UNC5B: variants seen among roughly 807,000 people sequenced by gnomAD.
UNC5B encodes netrin receptor UNC5B.
UNC5B carries 56 observed loss-of-function variants against 103.7 expected under a neutral mutation model. The observed-to-expected ratio is 0.54, with a 90% CI of 0.44 to 0.67. UNC5B has a LOEUF of 0.67. Among genes scored for constraint, UNC5B ranks in the 30% least tolerant of loss-of-function variants. The probability of loss-of-function intolerance (pLI) is 0.00; values close to 1 mark genes in which losing one functional copy is unlikely to be tolerated. For missense variants in UNC5B, 1,194 were observed against 1,284.5 expected (o/e 0.93, Z 1.08); for synonymous variants, 577 against 542.0 (o/e 1.06, Z -0.90).
At position 71,287,701 on chromosome 10, in the gene UNC5B, C is replaced by G. The variant is rs1450558508; in HGVS notation, c.837C>G (p.Leu279=). Residue 279 remains leucine, a synonymous_variant, in exon 6 of 17, where the codon CTC becomes CTG. Transcript: ENST00000335350. ...GGACCTGCACCAACCCCGCTCCACTCAACGGAGGGGCCTTCTGCGAGGGCC... is the reference window on the plus strand; with the variant it reads ...GGACCTGCACCAACCCCGCTCCACTGAACGGAGGGGCCTTCTGCGAGGGCC... ...RTRTCTNPAP[L]NGGAFCEGQA... The G allele has an allele frequency of 6.2e-7, 1 of 1,613,126 alleles. No homozygotes were observed. Among genetic ancestry groups the G allele is most frequent in the Admixed American group, 1.7e-5 (1 of 59,910 alleles).
At chr10:71,214,320 T>C (rs1256330561) in intron 1 of UNC5B, among the ~76,000 whole-genome samples, 1 of 151,934 alleles carries the variant, frequency 6.6e-6, no homozygotes, top group Non-Finnish European at 1.5e-5. Flanking sequence ...GAGTGAGGGC[T>C]TGGCTTTAGC....
chr10:71,274,273 T>C (rs1844713597), intron 1 of UNC5B, among the ~76,000 whole-genome samples: 2 of 151,676 alleles, frequency 1.3e-5, no homozygotes, highest in Admixed American at 1.3e-4. Flanking sequence ...AGGCAGAGAG[T>C]TGCTTGAACC....
At chr10:71,298,881 C>T (rs771071670) in intron 16 of UNC5B, among the ~76,000 whole-genome samples, 2 of 152,166 alleles carry the variant, frequency 1.3e-5, no homozygotes, top group African/African-American at 2.4e-5. Flanking sequence ...TCTTGCTGAG[C>T]GGTAACTGGC....
chr10:71,296,679 G>A lies in UNC5B; in HGVS notation c.2427G>A (p.Lys809=). ...TGGCCTCCACAGAGCTCACCTGCAA[G>A]ATCTGCGTGCGGCAAGTGGAAGGGG... ...HSLASTELTC[K]ICVRQVEGEG... is the part of the protein sequence containing the mutation. Residue 809 remains lysine, a synonymous_variant, in exon 15 of 17, where the codon AAG becomes AAA. Transcript: ENST00000335350. 1 of 1,613,578 alleles carries A rather than the reference G, an allele frequency of 6.2e-7. No homozygotes were observed. The highest frequency in any genetic ancestry group is 2.2e-5 in the East Asian group (1 of 44,876).
chr10:71,258,901 G>A (rs565375082), intron 1 of UNC5B, among the ~76,000 whole-genome samples: 1 of 152,382 alleles, frequency 6.6e-6, no homozygotes, highest in African/African-American at 2.4e-5. Flanking sequence ...CCCGCCCAGT[G>A]GCCAGCCAGG....
At chr10:71,259,806 C>T (rs1008427773) in intron 1 of UNC5B, among the ~76,000 whole-genome samples, 27 of 152,218 alleles carry the variant, frequency 1.8e-4, no homozygotes, top group Admixed American at 1.6e-3. Flanking sequence ...TCAGCCAGGT[C>T]AGTGGGCGTG....
rs758999733 is a variant in UNC5B at position 71,290,875 on chromosome 10, G to T, written c.1100-40G>T. ...GGCCTCCCTGATTGCCCCAGGGCCT[G>T]GTCTCTGCTGCCCCTTATGTGGTCC... On this transcript the variant is annotated intron_variant, in intron 8 of 16. Transcript: ENST00000335350. 8 of 1,573,942 alleles carry T rather than the reference G, an allele frequency of 5.1e-6. No individual in the cohort carries two copies. In the South Asian group the frequency reaches 9.2e-5, roughly 18 times the overall value.
At chr10:71,233,341 G>T (rs1843718275) in intron 1 of UNC5B, among the ~76,000 whole-genome samples, 1 of 152,134 alleles carries the variant, frequency 6.6e-6, no homozygotes, top group Non-Finnish European at 1.5e-5. Context: ...ACAGTACAAG[G>T]TCAATGCACT....
chr10:71,225,865 T>C (rs1001649740), intron 1 of UNC5B, among the ~76,000 whole-genome samples: 3 of 152,062 alleles, frequency 2.0e-5, no homozygotes, highest in Non-Finnish European at 4.4e-5. Flanking sequence ...GAGGACACCC[T>C]GCAGACACTA....
intron 1 of UNC5B, among the ~76,000 whole-genome samples, chr10:71,243,966 C>G (rs889366671): frequency 6.6e-6 from 1 of 152,218 alleles, no homozygotes; most frequent in Non-Finnish European, 1.5e-5. Context: ...GCAACTTGCC[C>G]GAGGTCACAC....
intron 1 of UNC5B, among the ~76,000 whole-genome samples, chr10:71,276,284 C>T (rs1030763587): frequency 7.2e-5 from 11 of 152,110 alleles, no homozygotes; most frequent in African/African-American, 2.7e-4. Flanking sequence ...TGAGCGGCGC[C>T]TGGCAGGGTA....
intron 1 of UNC5B, among the ~76,000 whole-genome samples, chr10:71,223,135 A>C (rs1197780636): frequency 6.6e-6 from 1 of 152,118 alleles, no homozygotes; most frequent in East Asian, 1.9e-4. Context: ...CAGGTTCAGC[A>C]GGGGCAGCCA....
At chr10:71,234,575 A>G (rs1843739962) in intron 1 of UNC5B, among the ~76,000 whole-genome samples, 1 of 152,202 alleles carries the variant, frequency 6.6e-6, no homozygotes, top group African/African-American at 2.4e-5. Flanking sequence ...CTGGGGTGGG[A>G]AGCTCAAAGC....
intron 4 of UNC5B, among the ~76,000 whole-genome samples, chr10:71,286,436 G>A (rs1845082445): frequency 6.6e-6 from 1 of 152,250 alleles, no homozygotes; most frequent in South Asian, 2.1e-4. Context: ...GATCCCTATG[G>A]GGTAGGTGCT....
At chr10:71,242,192 G>T (rs1356418301) in intron 1 of UNC5B, among the ~76,000 whole-genome samples, 1 of 152,178 alleles carries the variant, frequency 6.6e-6, no homozygotes, top group African/African-American at 2.4e-5. Flanking sequence ...TTCCTGCGTG[G>T]CGTCCGTCGG....
At chr10:71,216,187 C>A (rs1458611689) in intron 1 of UNC5B, among the ~76,000 whole-genome samples, 1 of 152,200 alleles carries the variant, frequency 6.6e-6, no homozygotes, top group East Asian at 1.9e-4. Flanking sequence ...GCCTCACAAC[C>A]TCAATCTAGT....
At chr10:71,241,092 T>G (rs1004262594) in intron 1 of UNC5B, among the ~76,000 whole-genome samples, 13 of 152,218 alleles carry the variant, frequency 8.5e-5, no homozygotes, top group African/African-American at 3.1e-4. Context: ...CTATTCATCT[T>G]CAAAGCCTCC....
intron 1 of UNC5B, among the ~76,000 whole-genome samples, chr10:71,252,938 G>A (rs1844206394): frequency 6.6e-6 from 1 of 152,128 alleles, no homozygotes; most frequent in Non-Finnish European, 1.5e-5. Flanking sequence ...AGAGAAGAGG[G>A]GGTTTTCTTA....
chr10:71,284,263 AG>A (rs1388508286), intron 2 of UNC5B, among the ~76,000 whole-genome samples: 1 of 152,114 alleles, frequency 6.6e-6, no homozygotes, highest in Non-Finnish European at 1.5e-5. Flanking sequence ...GATTCCAGGC[AG>A]GGGACTGATG....
Sources: gnomAD v4.1 joint callset for allele counts (sites outside exome capture counted in the v4.1 genomes callset) on GRCh38, gnomAD v4.1.1 for gene constraint, MANE v1.5 for transcripts, NCBI Gene and HGNC (gene_info 2026-07-23, HGNC 2026-07-21) for gene names.